Variants in SMIM14 observed in about 807,000 individuals in gnomAD.
SMIM14 encodes the protein small integral membrane protein 14, also known as chromosome 4 open reading frame 34.
SMIM14 carries 5 observed loss-of-function variants against 12.6 expected under a neutral mutation model. The observed-to-expected ratio is 0.40, with a 90% confidence interval of 0.21 to 0.83. SMIM14 has a LOEUF of 0.83. SMIM14 is among the 40% of genes least tolerant of loss of function. The pLI is 0.37. For synonymous variants in SMIM14, 30 were observed against 40.1 expected, an observed-to-expected ratio of 0.75 and a Z score of 0.95; for missense variants, 86 against 119.1, an observed-to-expected ratio of 0.72 and a Z score of 1.29.
chr4:39,610,175 C>CG (rs1185031558), intron 1 of SMIM14, among the ~76,000 whole-genome samples: 2 of 151,954 alleles, frequency 1.3e-5, no homozygotes, highest in East Asian at 3.9e-4. Flanking sequence ...TCTGTAAAGA[C>CG]GGGGTCTCCC....
intron 2 of SMIM14, among the ~76,000 whole-genome samples, chr4:39,578,993 A>C (rs572430256): frequency 0.012 from 1,239 of 102,774 alleles, 12 homozygotes; most frequent in African/African-American, 0.034. Context: ...TGAGACTGTC[A>C]AAAAAAAAAA....
At chr4:39,603,781 T>C (rs1335265486) in intron 2 of SMIM14, among the ~76,000 whole-genome samples, 1 of 151,888 alleles carries the variant, frequency 6.6e-6, no homozygotes, top group Non-Finnish European at 1.5e-5. Context: ...GGGACCGAGG[T>C]TGGCAGATCA....
intron 1 of SMIM14, among the ~76,000 whole-genome samples, chr4:39,619,849 T>TG (rs2110072712): frequency 1.4e-5 from 1 of 70,060 alleles, no homozygotes; most frequent in Non-Finnish European, 2.5e-5. Context: ...TATATATATA[T>TG]TTATATATAT....
At chr4:39,595,789 C>T (rs1714333804) in intron 2 of SMIM14, among the ~76,000 whole-genome samples, 2 of 151,072 alleles carry the variant, frequency 1.3e-5, no homozygotes, top group African/African-American at 2.4e-5. Context: ...TTTTTATTTT[C>T]GGTAGAGAAG....
At chr4:39,586,266 T>C (rs1713779490) in intron 2 of SMIM14, among the ~76,000 whole-genome samples, 1 of 152,068 alleles carries the variant, frequency 6.6e-6, no homozygotes, top group South Asian at 2.1e-4. Context: ...TTCCCTCTTT[T>C]CAATTTTTAC....
chr4:39,585,416 C>A (rs1038785252), intron 2 of SMIM14, among the ~76,000 whole-genome samples: 2 of 151,976 alleles, frequency 1.3e-5, no homozygotes, highest in African/African-American at 4.8e-5. Flanking sequence ...CCTGCCTCAG[C>A]CTCCTGAGTA....
intron 1 of SMIM14, among the ~76,000 whole-genome samples, chr4:39,628,753 G>C (rs1459172185): frequency 2.9e-5 from 4 of 140,218 alleles, no homozygotes; most frequent in Admixed American, 2.2e-4. Flanking sequence ...CTTTTTTTGA[G>C]CCGGAGTCTC....
intron 1 of SMIM14, among the ~76,000 whole-genome samples, chr4:39,628,784 G>GT (rs1180375939): frequency 6.8e-6 from 1 of 147,198 alleles, no homozygotes; most frequent in South Asian, 2.2e-4. Context: ...CCAGGCTGGA[G>GT]TGCAGCAGCA....
chr4:39,611,721 C>G (rs1715041994), intron 1 of SMIM14, among the ~76,000 whole-genome samples: 1 of 151,980 alleles, frequency 6.6e-6, no homozygotes, highest in East Asian at 1.9e-4. Context: ...AACAAGTATG[C>G]AAAATTTCTG....
At chr4:39,589,454 G>C (rs1037282080) in intron 2 of SMIM14, 1 of 152,142 alleles carries the variant, frequency 6.6e-6, no homozygotes, top group African/African-American at 2.4e-5. Flanking sequence ...TTGAAATACA[G>C]AGCTCAACAA....
At chr4:39,587,157 T>C (rs887327578) in intron 2 of SMIM14, among the ~76,000 whole-genome samples, 6 of 151,986 alleles carry the variant, frequency 3.9e-5, no homozygotes, top group African/African-American at 1.5e-4. Context: ...ATCCCTTCTA[T>C]GTAAAACAAA....
chr4:39,625,144 G>A (rs1715647069), intron 1 of SMIM14, among the ~76,000 whole-genome samples: 1 of 151,320 alleles, frequency 6.6e-6, no homozygotes, highest in Non-Finnish European at 1.5e-5. Context: ...CTTGACCCTA[G>A]GAGGTGGAGG....
intron 2 of SMIM14, among the ~76,000 whole-genome samples, chr4:39,596,155 G>A (rs1714352830): frequency 1.3e-5 from 2 of 151,986 alleles, no homozygotes; most frequent in Non-Finnish European, 2.9e-5. Flanking sequence ...GAGTGCAATG[G>A]CGTGATCTCG....
At chr4:39,628,490 T>C (rs1379255083) in intron 1 of SMIM14, among the ~76,000 whole-genome samples, 2 of 151,674 alleles carry the variant, frequency 1.3e-5, no homozygotes, top group African/African-American at 2.4e-5. Flanking sequence ...CGGGCCAACA[T>C]GGTGAAACCC....
chr4:39,556,445 G>T lies in SMIM14; in HGVS notation c.250C>A (p.Pro84Thr), dbSNP rs759029654. Residue 84 changes from proline (P) to threonine (T), a missense_variant, in exon 4 of 5, where the codon CCA becomes ACA. By Grantham distance (38) the Pro-to-Thr change is conservative. Transcript: ENST00000295958. ...NLRGSSLPGK[P>T]TSPHNGQDPP... Reference sequence around the variant, plus strand: ...ACACTTACATTATGAGGACTGGTTGGCTTTCCAGGTAGGCTGGATCCTCTT... The same window carrying T: ...ACACTTACATTATGAGGACTGGTTGTCTTTCCAGGTAGGCTGGATCCTCTT... 8 of 1,611,868 alleles carry T rather than the reference G, an allele frequency of 5.0e-6. No homozygotes were observed. In the South Asian group the frequency reaches 8.8e-5, roughly 18 times the overall value.
intron 1 of SMIM14, among the ~76,000 whole-genome samples, chr4:39,610,026 T>C (rs2110063334): frequency 6.6e-6 from 1 of 152,358 alleles, no homozygotes; most frequent in Middle Eastern, 3.4e-3. Context: ...TGTCTGGCTC[T>C]GTCACCCAGG....
Position 39,547,141 on chromosome 4 carries a change from A to T in SMIM14, c.*4985T>A, listed in dbSNP as rs1341883476. 1.3e-5 allele frequency: 2 copies of T among 152,236 alleles called. No individual in the cohort carries two copies. Among genetic ancestry groups the T allele is most frequent in the African/African-American group, 4.8e-5 (2 of 41,472 alleles). The allele number at this position is 152,236 out of a possible 1,614,324, so 9.4% of individuals were successfully genotyped here. ...TGGCCCCATACTGCATATTTTATGA[A>T]TATTTTTCTCACAACTTTTCTTAAA... On this transcript the variant is annotated 3_prime_UTR_variant, in exon 5 of 5. Coordinates refer to ENST00000295958, the MANE Select transcript of SMIM14 (RefSeq NM_174921.3).
rs879697540 is a variant in SMIM14 at position 39,614,325 on chromosome 4, C to CT, written c.-35-9146dup. Among the ~76,000 whole-genome samples the CT allele has an allele frequency of 4.6e-3, 664 of 144,884 alleles. 4 individuals are homozygous for CT. The highest frequency in any genetic ancestry group is 0.014 in the African/African-American group (541 of 39,908). On this transcript the variant is annotated intron_variant, in intron 1 of 4. Coordinates refer to ENST00000295958, the MANE Select transcript of SMIM14 (RefSeq NM_174921.3). ...TAGGTTCTGGGGAGTTCCTATGCTA[C>CT]TTTTTTTTTTTTTGAGACAGAGTTT...
At chr4:39,569,672 G>A (rs1712780554) in intron 3 of SMIM14, among the ~76,000 whole-genome samples, 1 of 152,018 alleles carries the variant, frequency 6.6e-6, no homozygotes, top group Non-Finnish European at 1.5e-5. Context: ...GGGTGGCGGA[G>A]GTTGCAGTGA....
Sources: gnomAD v4.1 joint callset for allele counts (sites outside exome capture counted in the v4.1 genomes callset) on GRCh38, gnomAD v4.1.1 for gene constraint, MANE v1.5 for transcripts, NCBI Gene and HGNC (gene_info 2026-07-23, HGNC 2026-07-21) for gene names.